Variants in MAN1B1 observed in about 807,000 individuals in gnomAD.
MAN1B1 encodes the protein endoplasmic reticulum mannosyl-oligosaccharide 1,2-alpha-mannosidase.
A neutral mutation model predicts 75.5 loss-of-function variants in MAN1B1; 66 were observed. That is an observed-to-expected ratio of 0.87 (90% CI 0.72 to 1.07). The LOEUF is 1.07. MAN1B1 is among the 50% of genes least tolerant of loss of function. The probability of loss-of-function intolerance (pLI) is 0.00; values close to 1 mark genes in which losing one functional copy is unlikely to be tolerated. For missense variants in MAN1B1, 973 were observed against 912.5 expected (o/e 1.07, Z -0.85); for synonymous variants, 453 against 382.8 (o/e 1.18, Z -2.14).
At position 137,099,759 on chromosome 9, in the gene MAN1B1, G is replaced by T. The variant is rs114057640; in HGVS notation, c.794G>T (p.Arg265Leu). ...DVFLHAWKGYRKFAWGHDELK... is the reference protein window; with the variant it reads ...DVFLHAWKGYLKFAWGHDELK... ...TTCCTGCATGCATGGAAAGGATACC[G>T]CAAGTTTGCATGGGGCCATGACGAG... The change falls in exon 6 of 13, where the codon CGC (arginine) becomes CTC (leucine). Residue 265 changes from arginine (R) to leucine (L), a missense_variant. Physicochemically the swap from Arg to Leu is moderately radical, Grantham distance 102. Transcript: ENST00000371589. 1.2e-6 allele frequency: 2 copies of T among 1,614,200 alleles called. No homozygotes were observed. Among genetic ancestry groups the T allele is most frequent in the Admixed American group, 1.7e-5 (1 of 60,034 alleles).
At chr9:137,106,657 T>C (rs1466121584) in intron 9 of MAN1B1, 32 bp from the exon 10 acceptor site, 1 of 1,612,878 alleles carries the variant, frequency 6.2e-7, no homozygotes, top group Non-Finnish European at 8.5e-7. Flanking sequence ...TGCACCGTCC[T>C]GGTAGAGTGA....
chr9:137,107,469 G>A (rs775837642), intron 11 of MAN1B1, 22 bp downstream of exon 11: 1 of 1,613,240 alleles, frequency 6.2e-7, no homozygotes, highest in Non-Finnish European at 8.5e-7. Flanking sequence ...CCTGGGTCAG[G>A]GTCCATCAGG....
Position 137,087,109 on chromosome 9 carries a change from T to G in MAN1B1, c.110T>G (p.Met37Arg). 1.3e-6 allele frequency: 2 copies of G among 1,595,720 alleles called. No homozygotes were observed. Among genetic ancestry groups the G allele is most frequent in the Non-Finnish European group, 1.7e-6 (2 of 1,173,026 alleles). Residue 37 changes from methionine to arginine, a missense_variant, in exon 1 of 13, where the codon ATG (methionine) becomes AGG (arginine). Met to Arg is a moderately conservative substitution (Grantham distance 91). Coordinates refer to ENST00000371589, the MANE Select transcript of MAN1B1 (RefSeq NM_016219.5). ...APWAVATTVV[M>R]YPPPPPPPHR... ...TGGGCCGTCGCCACCACTGTAGTCA[T>G]GTACCCACCGCCGCCGCCGCCGCCT...
At chr9:137,103,519 C>T (rs62585860) in intron 8 of MAN1B1, 23,713 of 111,768 alleles carry the variant, frequency 0.21, 10 homozygotes, top group East Asian at 0.26. Flanking sequence ...GGCGTGCAGG[C>T]CGGTGGTGTT....
intron 8 of MAN1B1, chr9:137,101,996 G>T: frequency 1.9e-6 from 1 of 525,826 alleles, no homozygotes; most frequent in East Asian, 4.8e-5. Context: ...AGTACAGGTC[G>T]GTGGTGTTAC....
chr9:137,107,192 A>AG, intron 10 of MAN1B1, 58 bp from the exon 11 acceptor site: 6 of 1,572,470 alleles, frequency 3.8e-6, no homozygotes, highest in Non-Finnish European at 4.4e-6. Context: ...CTGCCCGTGC[A>AG]GCTGCAGGCT....
intron 3 of MAN1B1, among the ~76,000 whole-genome samples, 174 bp from the exon 4 acceptor site, chr9:137,096,063 C>G (rs1830642410): frequency 6.6e-6 from 1 of 152,162 alleles, no homozygotes; most frequent in Admixed American, 6.6e-5. Context: ...TCCCCAGGCT[C>G]CTAAGGAGCT....
Position 137,088,538 on chromosome 9 carries a change from G to A in MAN1B1, c.329-331G>A, listed in dbSNP as rs906017867. The A allele has an allele frequency of 1.6e-5, 16 of 1,003,768 alleles. No individual in the cohort carries two copies. The African/African-American group carries it at 2.5e-4, about 16-fold the overall frequency. 62.2% of individuals were successfully genotyped at this position (1,003,768 alleles called of 1,614,324 possible). ...GACCAGGCAGAGTTCTGGTGAGGAT[G>A]TGGAGAATCTCTTCTCACTTGGTCT... On this transcript the variant is annotated intron_variant, in intron 2 of 12. Transcript: ENST00000371589.
intron 12 of MAN1B1, 166 bp from the exon 13 acceptor site, chr9:137,108,222 G>A (rs1325332200): frequency 2.4e-5 from 16 of 667,742 alleles, no homozygotes; most frequent in Non-Finnish European, 4.2e-5. Context: ...GTGGGCTCCG[G>A]TGGAACCACA....
rs551213468 is a variant in MAN1B1, at chr9:137,104,304, C to T, written c.1255-1821C>T. The T allele has an allele frequency of 6.7e-4, 228 of 338,314 alleles. 1 individual carries two copies. The highest frequency in any genetic ancestry group is 4.6e-3 in the African/African-American group (213 of 46,596). 21.0% of individuals were successfully genotyped at this position (338,314 alleles called of 1,614,324 possible). ...AGGCTGGAGTGCAGTGGCGTGATCTCAGCTCACTGCAACCTCCACTCCCAG... is the reference window on the plus strand; with the variant it reads ...AGGCTGGAGTGCAGTGGCGTGATCTTAGCTCACTGCAACCTCCACTCCCAG... On this transcript the variant is annotated intron_variant, in intron 8 of 12. Transcript: ENST00000371589.
chr9:137,088,111 A>G lies in MAN1B1; in HGVS notation c.256A>G (p.Ile86Val), dbSNP rs747428295. The G allele has an allele frequency of 1.7e-5, 27 of 1,614,032 alleles. No homozygotes were observed. The Admixed American group carries it at 4.2e-4, about 25-fold the overall frequency. ...KQLSRLQRNM[I>V]LFLLAFLLFC... ...ACTGTCGAGATTGCAGCGGAATATG[A>G]TTCTCTTCCTCCTTGCCTTTCTGCT... Residue 86 changes from isoleucine (I) to valine (V), a missense_variant, in exon 2 of 13, where the codon ATT (isoleucine) becomes GTT (valine). Physicochemically the swap from Ile to Val is conservative, Grantham distance 29. Transcript: ENST00000371589.
At chr9:137,102,537 G>A (rs931617355) in intron 8 of MAN1B1, 19 of 428,084 alleles carry the variant, frequency 4.4e-5, no homozygotes, top group Non-Finnish European at 8.5e-5. Context: ...CAGGCGTGCA[G>A]GTCGGTGGTG....
At position 137,107,640 on chromosome 9, in the gene MAN1B1, A is replaced by G. The variant is rs1179676801; in HGVS notation, c.1874A>G (p.Gln625Arg). Residue 625 changes from glutamine to arginine, a missense_variant, in exon 12 of 13, where the codon CAG (glutamine) becomes CGG (arginine). Transcript: ENST00000371589. ...CAGGACTGGGGCTGGGAGATTCTGC[A>G]GAGCTTCAGCCGATTCACACGGGTG... ...KYQDWGWEILQSFSRFTRVPS... is the reference protein window; with the variant it reads ...KYQDWGWEILRSFSRFTRVPS... 1.2e-6 allele frequency: 2 copies of G among 1,610,068 alleles called. No individual in the cohort carries two copies. Among genetic ancestry groups the G allele is most frequent in the Non-Finnish European group, 1.7e-6 (2 of 1,179,954 alleles).
intron 8 of MAN1B1, chr9:137,102,364 C>G (rs144597698): frequency 3.0e-5 from 12 of 404,540 alleles, no homozygotes; most frequent in African/African-American, 2.5e-4. Flanking sequence ...GTTACATTCA[C>G]GCTGTTGCAG....
chr9:137,103,636 TC>T, intron 8 of MAN1B1: 1 of 430,068 alleles, frequency 2.3e-6, no homozygotes, highest in Non-Finnish European at 4.6e-6. Context: ...GGCGTGCAGG[TC>T]GGTGTTACAC....
In MAN1B1 at chr9:137,107,261, G is replaced by A; in HGVS notation, c.1578G>A (p.Val526=). ...GRFSAKMDHL[V]CFLPGTLALG... ...CCCTCTGATTCCAGGACCACCTGGT[G>A]TGCTTCCTGCCAGGGACGCTGGCTC... The change falls in exon 11 of 13, where the codon GTG becomes GTA. Residue 526 remains valine (V), a synonymous_variant. Transcript: ENST00000371589. 1.2e-6 allele frequency: 2 copies of A among 1,612,962 alleles called. No homozygotes were observed. The highest frequency in any genetic ancestry group is 2.2e-5 in the East Asian group (1 of 44,878).
intron 8 of MAN1B1, chr9:137,101,892 C>G (rs200275275): frequency 1.5e-6 from 1 of 679,868 alleles, no homozygotes; most frequent in Non-Finnish European, 2.7e-6. Flanking sequence ...TACACACATT[C>G]ACACTGTTGC....
In MAN1B1 at chr9:137,100,955, C is replaced by G. The variant is rs567755389; in HGVS notation, c.917-50C>G. 8.7e-6 allele frequency: 14 copies of G among 1,607,228 alleles called. No individual in the cohort carries two copies. The East Asian group carries it at 2.5e-4, about 28-fold the overall frequency. On this transcript the variant is annotated intron_variant, in intron 6 of 12. Coordinates refer to ENST00000371589, the MANE Select transcript of MAN1B1 (RefSeq NM_016219.5). ...TGAAGATGGATAGATAATAGGAAAACGTTGGAGCCATCCATTTGTCTCTGC... is the reference window on the plus strand; with the variant it reads ...TGAAGATGGATAGATAATAGGAAAAGGTTGGAGCCATCCATTTGTCTCTGC...
chr9:137,101,952 C>G (rs1380911718), intron 8 of MAN1B1: 1 of 564,310 alleles, frequency 1.8e-6, no homozygotes, highest in African/African-American at 2.1e-5. Context: ...TGCAGGCGTA[C>G]AGGTCAGTGG....
Sources: gnomAD v4.1 joint callset for allele counts (sites outside exome capture counted in the v4.1 genomes callset) on GRCh38, gnomAD v4.1.1 for gene constraint, MANE v1.5 for transcripts, NCBI Gene and HGNC (gene_info 2026-07-23, HGNC 2026-07-21) for gene names.